Variants in ZMAT4 observed in about 807,000 individuals in gnomAD.
ZMAT4 encodes the protein zinc finger matrin-type protein 4.
A neutral mutation model predicts 28.7 loss-of-function variants in ZMAT4; 17 were observed. The observed-to-expected ratio is 0.59, with a 90% CI of 0.41 to 0.89. The LOEUF (loss-of-function observed/expected upper bound fraction) is 0.89, where lower values mean the gene tolerates loss of function less well. Among genes scored for constraint, ZMAT4 ranks in the 40% least tolerant of loss-of-function variants. The pLI is 0.00. For synonymous variants in ZMAT4, 117 were observed against 109.2 expected, an observed-to-expected ratio of 1.07 and a Z score of -0.44; for missense variants, 240 against 283.8, an observed-to-expected ratio of 0.85 and a Z score of 1.11.
chr8:40,887,559 C>CA (rs144568478), intron 1 of ZMAT4, among the ~76,000 whole-genome samples: 8,359 of 149,776 alleles, frequency 0.056, 310 homozygotes, highest in South Asian at 0.086. Context: ...TTGGAAAATA[C>CA]AAAAAAAAAG....
At chr8:40,844,011 T>A (rs1304015279) in intron 1 of ZMAT4, among the ~76,000 whole-genome samples, 1 of 152,160 alleles carries the variant, frequency 6.6e-6, no homozygotes, top group Non-Finnish European at 1.5e-5. Flanking sequence ...AATGGAACAA[T>A]TCAGCAAAAG....
chr8:40,681,639 C>T (rs1208546666), intron 4 of ZMAT4, among the ~76,000 whole-genome samples: 1 of 152,064 alleles, frequency 6.6e-6, no homozygotes, highest in African/African-American at 2.4e-5. Flanking sequence ...GAGGCATGGG[C>T]CTTTTGTGTA....
chr8:40,766,845 G>A (rs1455034225), intron 3 of ZMAT4, among the ~76,000 whole-genome samples: 1 of 152,176 alleles, frequency 6.6e-6, no homozygotes, highest in Non-Finnish European at 1.5e-5. Context: ...TCATCTACAT[G>A]GCAGCAGAAA....
chr8:40,806,052 T>A (rs1031403768), intron 2 of ZMAT4, among the ~76,000 whole-genome samples: 1 of 152,138 alleles, frequency 6.6e-6, no homozygotes, highest in African/African-American at 2.4e-5. Flanking sequence ...TTAATTGTTA[T>A]CACGAAAAAG....
At chr8:40,646,954 T>C (rs1411576771) in intron 5 of ZMAT4, among the ~76,000 whole-genome samples, 1 of 152,222 alleles carries the variant, frequency 6.6e-6, no homozygotes, top group Non-Finnish European at 1.5e-5. Context: ...TGTTTGGCCA[T>C]AAAACATGTC....
At chr8:40,544,108 C>T (rs1214012747) in intron 6 of ZMAT4, among the ~76,000 whole-genome samples, 1 of 152,126 alleles carries the variant, frequency 6.6e-6, no homozygotes, top group Non-Finnish European at 1.5e-5. Flanking sequence ...TTTTCAACCT[C>T]ACAACTCTGC....
intron 2 of ZMAT4, among the ~76,000 whole-genome samples, chr8:40,817,807 G>C (rs1400921745): frequency 6.6e-6 from 1 of 152,198 alleles, no homozygotes; most frequent in Non-Finnish European, 1.5e-5. Context: ...TCTATGTCAG[G>C]GAAAGAATGA....
chr8:40,848,889 C>T (rs1040943091), intron 1 of ZMAT4, among the ~76,000 whole-genome samples: 1 of 152,158 alleles, frequency 6.6e-6, no homozygotes, highest in Admixed American at 6.5e-5. Context: ...TCCACAAAAA[C>T]AAAGTCGGCA....
chr8:40,761,000 T>C lies in ZMAT4; in HGVS notation c.192+6641A>G, dbSNP rs536059387. On this transcript the variant is annotated intron_variant, in intron 3 of 6. Transcript: ENST00000297737. The stretch of plus-strand genomic sequence containing the variant: ...CCCAAGAAATTGCTAGTTCGGAAAT[T>C]AACAAAAGGAAGCTGAAGAAGAGAA... 2.7e-5 allele frequency among the ~76,000 whole-genome samples: 4 copies of C among 149,620 alleles called. No homozygotes were observed. The South Asian group carries it at 8.6e-4, about 32-fold the overall frequency.
intron 1 of ZMAT4, among the ~76,000 whole-genome samples, chr8:40,843,776 T>A (rs984855919): frequency 1.3e-5 from 2 of 152,184 alleles, no homozygotes; most frequent in African/African-American, 4.8e-5. Context: ...CATCACTACA[T>A]CCTGGTGGCA....
chr8:40,562,043 C>T (rs1459037029), intron 6 of ZMAT4, among the ~76,000 whole-genome samples: 1 of 152,184 alleles, frequency 6.6e-6, no homozygotes, highest in Non-Finnish European at 1.5e-5. Flanking sequence ...GGTTCTTTCT[C>T]TCTGCACCTT....
chr8:40,677,368 T>C (rs1229352932), intron 4 of ZMAT4, among the ~76,000 whole-genome samples: 2 of 151,984 alleles, frequency 1.3e-5, no homozygotes, highest in Non-Finnish European at 2.9e-5. Context: ...CTTTAGTGCC[T>C]ATAAAAGCAG....
chr8:40,635,195 G>C (rs1036868928), intron 5 of ZMAT4, among the ~76,000 whole-genome samples: 6 of 152,180 alleles, frequency 3.9e-5, no homozygotes, highest in African/African-American at 1.4e-4. Context: ...ATTTCTGAGA[G>C]GATCACTTAG....
chr8:40,700,411 C>CTTTT (rs1353453005), intron 3 of ZMAT4, among the ~76,000 whole-genome samples: 6 of 97,346 alleles, frequency 6.2e-5, no homozygotes, highest in African/African-American at 2.2e-4. Context: ...TGCTGCTTTT[C>CTTTT]TTTTTTTTTT....
chr8:40,689,030 T>C (rs946596016), intron 4 of ZMAT4, among the ~76,000 whole-genome samples: 1 of 152,234 alleles, frequency 6.6e-6, no homozygotes, highest in African/African-American at 2.4e-5. Flanking sequence ...TTGTAACTGT[T>C]GATAGAGACC....
At chr8:40,796,984 C>A (rs1163690625) in intron 2 of ZMAT4, among the ~76,000 whole-genome samples, 4 of 152,206 alleles carry the variant, frequency 2.6e-5, no homozygotes, top group Non-Finnish European at 4.4e-5. Context: ...CCTCCAGGGG[C>A]CACAGGCAGG....
rs970913392 is a variant in ZMAT4, at chr8:40,616,743, G to A, written c.578-35482C>T. Among the ~76,000 whole-genome samples the A allele has an allele frequency of 7.9e-5, 12 of 152,166 alleles. No homozygotes were observed. In the East Asian group the frequency reaches 2.1e-3, roughly 27 times the overall value. On this transcript the variant is annotated intron_variant, in intron 5 of 6. Coordinates refer to ENST00000297737, the MANE Select transcript of ZMAT4 (RefSeq NM_024645.3). ...ACACACCGGGGCCTGCCGTGGGTTG[G>A]GGGGAGGGAGGAGGGATAGCATTAG...
intron 5 of ZMAT4, among the ~76,000 whole-genome samples, chr8:40,618,318 A>G (rs1490995790): frequency 1.3e-5 from 2 of 152,226 alleles, no homozygotes; most frequent in Non-Finnish European, 2.9e-5. Context: ...CAGAGGACCC[A>G]CTGGTATTTA....
At chr8:40,870,793 C>T (rs1268219670) in intron 1 of ZMAT4, among the ~76,000 whole-genome samples, 3 of 152,074 alleles carry the variant, frequency 2.0e-5, no homozygotes, top group African/African-American at 7.2e-5. Flanking sequence ...TAACTGTGGA[C>T]CTTAACAATT....
Sources: allele counts gnomAD v4.1 joint callset (sites outside exome capture counted in the v4.1 genomes callset), GRCh38; gene constraint gnomAD v4.1.1; transcripts MANE v1.5; gene names NCBI Gene and HGNC (gene_info 2026-07-23, HGNC 2026-07-21).